The following TGFBR1 variants were observed in gnomAD, a reference collection of about 807,000 sequenced individuals.
TGFBR1 encodes the protein transforming growth factor beta receptor 1, also known as TGF-beta receptor type-1.
Under a neutral mutation model 55.1 loss-of-function variants are expected in TGFBR1, and 20 were observed. The ratio of observed to expected loss-of-function variants is 0.36; its 90% CI spans 0.26 to 0.53. TGFBR1 has a LOEUF of 0.53. Among genes scored for constraint, TGFBR1 ranks in the 20% least tolerant of loss-of-function variants. The pLI, the probability that TGFBR1 is intolerant of heterozygous loss-of-function variation, is 0.91. For missense variants in TGFBR1, 385 were observed against 617.6 expected, an observed-to-expected ratio of 0.62 and a Z score of 3.99; for synonymous variants, 220 against 214.8, an observed-to-expected ratio of 1.02 and a Z score of -0.21.
rs1827984831 is a variant in TGFBR1, at chr9:99,151,789, AAG to A, written c.*2486_*2487del. 4.6e-6 allele frequency: 1 copy of A among 216,666 alleles called. No individual in the cohort carries two copies. Among genetic ancestry groups the A allele is most frequent in the East Asian group, 6.9e-5 (1 of 14,586 alleles). The allele number at this position is 216,666 out of a possible 1,614,324, so 13.4% of individuals were successfully genotyped here. ...CACAATTGGCTGATATTGAAAATGA[AAG>A]AAACTTAAAAGGTGGGATGGATCAT... On this transcript the variant is annotated 3_prime_UTR_variant, in exon 9 of 9. Transcript: ENST00000374994.
At chr9:99,147,991 T>C (rs1185621035) in intron 8 of TGFBR1, among the ~76,000 whole-genome samples, 1 of 152,228 alleles carries the variant, frequency 6.6e-6, no homozygotes, top group East Asian at 1.9e-4. Flanking sequence ...CAGTGGCCTT[T>C]AGTGTATCAG....
At chr9:99,104,282 CT>C (rs1249365607), upstream of TGFBR1, among the ~76,000 whole-genome samples, 2 of 152,144 alleles carry the variant, frequency 1.3e-5, no homozygotes, top group Non-Finnish European at 2.9e-5. Context: ...GGAACCCCTC[CT>C]TTGAGGGGTT....
At chr9:99,146,244 A>G (rs2118823724) in intron 6 of TGFBR1, among the ~76,000 whole-genome samples, 1 of 152,284 alleles carries the variant, frequency 6.6e-6, no homozygotes, top group Middle Eastern at 3.4e-3. Flanking sequence ...TATGTCTTTC[A>G]TTGGAAACCA....
chr9:99,108,722 T>C (rs2056044958), intron 1 of TGFBR1, among the ~76,000 whole-genome samples: 1 of 152,214 alleles, frequency 6.6e-6, no homozygotes. Flanking sequence ...CAAGTTACTC[T>C]TCAGAGTTAG....
chr9:99,142,711 T>C lies in TGFBR1; in HGVS notation c.973+8T>C. On this transcript the variant is annotated splice_region_variant and intron_variant, in intron 5 of 8. Transcript: ENST00000374994. ...AGATTGTTGGTACCCAAGGTAATTC[T>C]ATAAGCAGTTCTATTATTTAAGCTT... is the stretch of plus-strand genomic sequence containing the variant. 1 of 1,613,898 alleles carries C rather than the reference T, an allele frequency of 6.2e-7. No homozygotes were observed. The highest frequency in any genetic ancestry group is 1.1e-5 in the South Asian group (1 of 91,082).
intron 1 of TGFBR1, among the ~76,000 whole-genome samples, chr9:99,125,472 A>T (rs753028006): frequency 6.6e-6 from 1 of 152,246 alleles, no homozygotes; most frequent in Admixed American, 6.5e-5. Context: ...TGTACTACAC[A>T]TGTAGGACCC....
intron 3 of TGFBR1, among the ~76,000 whole-genome samples, chr9:99,134,802 TTATATATATA>T (rs10625219): frequency 0.089 from 3,647 of 40,972 alleles, 166 homozygotes; most frequent in African/African-American, 0.099. Flanking sequence ...TCTGTTTCCA[TTATATATATA>T]TATATATATA....
intron 1 of TGFBR1, among the ~76,000 whole-genome samples, chr9:99,125,373 G>T (rs1827009881): frequency 1.3e-5 from 2 of 152,190 alleles, no homozygotes; most frequent in South Asian, 4.1e-4. Flanking sequence ...TTCATTAAAT[G>T]ATTTTCTAAA....
chr9:99,116,449 G>C (rs1286160772), intron 1 of TGFBR1, among the ~76,000 whole-genome samples: 1 of 152,192 alleles, frequency 6.6e-6, no homozygotes, highest in African/African-American at 2.4e-5. Flanking sequence ...ATTTAGCTTA[G>C]TCTCTGTAAC....
chr9:99,141,500 C>T (rs146291913), intron 4 of TGFBR1, among the ~76,000 whole-genome samples: 2 of 152,258 alleles, frequency 1.3e-5, no homozygotes, highest in African/African-American at 4.8e-5. Context: ...TACTTCTTAC[C>T]TAAAGAATCT....
chr9:99,132,729 T>C lies in TGFBR1; in HGVS notation c.564T>C (p.Gly188=). 1 of 1,614,154 alleles carries C rather than the reference T, an allele frequency of 6.2e-7. No individual in the cohort carries two copies. The highest frequency in any genetic ancestry group is 8.5e-7 in the Non-Finnish European group (1 of 1,180,008). Residue 188 remains glycine, a synonymous_variant, in exon 3 of 9, where the codon GGT becomes GGC. Transcript: ENST00000374994. The stretch of plus-strand genomic sequence containing the variant: ...TAATTTATGATATGACAACGTCAGG[T>C]TCTGGCTCAGGTAACATAATTGTTT... ...KDLIYDMTTS[G]SGSGLPLLVQ... is the part of the protein sequence containing the mutation.
Position 99,105,122 on chromosome 9 carries a change from G to A in TGFBR1, c.-84G>A, listed in dbSNP as rs1826363571. The A allele has an allele frequency of 2.9e-6, 3 of 1,020,748 alleles. No individual in the cohort carries two copies. Among genetic ancestry groups the A allele is most frequent in the Non-Finnish European group, 3.6e-6 (3 of 841,074 alleles). The allele number at this position is 1,020,748 out of a possible 1,614,324, so 63.2% of individuals were successfully genotyped here. A position where few individuals can be genotyped will look rare whatever the true frequency, so the allele number is the denominator to read the frequency against. On this transcript the variant is annotated 5_prime_UTR_variant, in exon 1 of 9. Transcript: ENST00000374994. ...GGAGCGAGGCCGCCGCGGCGGCTAG[G>A]GAGGTGGGGCGAGGCGAGGTTTGCT... is the stretch of plus-strand genomic sequence containing the variant.
At chr9:99,113,217 G>A (rs562441651) in intron 1 of TGFBR1, among the ~76,000 whole-genome samples, 17 of 152,212 alleles carry the variant, frequency 1.1e-4, no homozygotes, top group Non-Finnish European at 2.2e-4. Context: ...TCTTTTGGGA[G>A]TGTGGTTCTT....
intron 4 of TGFBR1, among the ~76,000 whole-genome samples, chr9:99,139,362 T>G (rs1017558747): frequency 6.6e-5 from 10 of 152,226 alleles, no homozygotes; most frequent in Admixed American, 5.2e-4. Flanking sequence ...TATTTTTCTT[T>G]TAGCTTCTCT....
intron 1 of TGFBR1, among the ~76,000 whole-genome samples, chr9:99,107,680 G>A (rs1048673179): frequency 6.6e-6 from 1 of 152,078 alleles, no homozygotes; most frequent in Non-Finnish European, 1.5e-5. Context: ...AGCCTTCCCC[G>A]TGAAGGTTTA....
chr9:99,150,872 A>G lies in TGFBR1; in HGVS notation c.*1567A>G, dbSNP rs200669525. On this transcript the variant is annotated 3_prime_UTR_variant, in exon 9 of 9. Coordinates refer to ENST00000374994, the MANE Select transcript of TGFBR1 (RefSeq NM_004612.4). Reference sequence around the variant, plus strand: ...TTATAATAACTGGTTTTTACTTCCAATGCTATGAAGTCTCTGCAGGGCTTT... The same window carrying G: ...TTATAATAACTGGTTTTTACTTCCAGTGCTATGAAGTCTCTGCAGGGCTTT... The G allele has an allele frequency of 1.4e-5, 3 of 221,338 alleles. No individual in the cohort carries two copies. The highest frequency in any genetic ancestry group is 2.7e-5 in the Non-Finnish European group (3 of 110,264). 13.7% of individuals were successfully genotyped at this position (221,338 alleles called of 1,614,324 possible).
intron 1 of TGFBR1, among the ~76,000 whole-genome samples, chr9:99,117,453 G>A (rs1209054371): frequency 6.6e-6 from 1 of 151,994 alleles, no homozygotes; most frequent in Non-Finnish European, 1.5e-5. Flanking sequence ...TGACCCAAAT[G>A]TTTTAAAAAT....
rs202128625 is a variant in TGFBR1, at chr9:99,151,056, C to G, written c.*1751C>G. The G allele has an allele frequency of 7.9e-5, 18 of 228,024 alleles. No individual in the cohort carries two copies. In the Admixed American group the frequency reaches 1.0e-3, roughly 13 times the overall value. The allele number at this position is 228,024 out of a possible 1,614,324, so 14.1% of individuals were successfully genotyped here. On this transcript the variant is annotated 3_prime_UTR_variant, in exon 9 of 9. Coordinates refer to ENST00000374994, the MANE Select transcript of TGFBR1 (RefSeq NM_004612.4). The stretch of plus-strand genomic sequence containing the variant: ...ATTTTGGTCAGGAAGAGAAAGTGGC[C>G]ATTTACACTGAATGAGTTGCATTCT...
chr9:99,112,590 G>C (rs1276800147), intron 1 of TGFBR1, among the ~76,000 whole-genome samples: 1 of 152,118 alleles, frequency 6.6e-6, no homozygotes, highest in East Asian at 1.9e-4. Flanking sequence ...GAAAGTGCCT[G>C]GTGCATCCTA....
Sources: gnomAD v4.1 joint callset for allele counts (sites outside exome capture counted in the v4.1 genomes callset) on GRCh38, gnomAD v4.1.1 for gene constraint, MANE v1.5 for transcripts, NCBI Gene and HGNC (gene_info 2026-07-23, HGNC 2026-07-21) for gene names.